The following LATS1 variants were observed in gnomAD, a reference collection of about 807,000 sequenced individuals.
The protein encoded by LATS1 is serine/threonine-protein kinase LATS1.
In LATS1, 25 loss-of-function variants were observed where a neutral mutation model predicts 106.6. That is an observed-to-expected ratio of 0.23 (90% CI 0.17 to 0.33). LATS1 has a LOEUF of 0.33. Among genes scored for constraint, LATS1 ranks in the 10% least tolerant of loss-of-function variants. LATS1 has a pLI of 1.00. For synonymous variants in LATS1, 465 were observed against 455.6 expected (o/e 1.02, Z -0.26); for missense variants, 1,040 against 1,382.6 (o/e 0.75, Z 3.93).
chr6:149,699,420 T>C (rs1783309392), intron 2 of LATS1, among the ~76,000 whole-genome samples: 1 of 152,068 alleles, frequency 6.6e-6, no homozygotes, highest in African/African-American at 2.4e-5. Context: ...GCCTTGTGTG[T>C]GATCTTTCTG....
chr6:149,670,157 G>C (rs1408575093), intron 7 of LATS1, among the ~76,000 whole-genome samples: 1 of 100,388 alleles, frequency 1.0e-5, no homozygotes, highest in Non-Finnish European at 1.8e-5. Context: ...GGGCAACAGA[G>C]TGAAATTGCA....
At chr6:149,685,583 G>A (rs1344145807) in intron 3 of LATS1, among the ~76,000 whole-genome samples, 5 of 151,932 alleles carry the variant, frequency 3.3e-5, no homozygotes, top group Non-Finnish European at 5.9e-5. Context: ...ACGGGGTTTC[G>A]CCATGTTAGC....
At chr6:149,700,640 A>T (rs763198766) in intron 2 of LATS1, among the ~76,000 whole-genome samples, 1 of 152,172 alleles carries the variant, frequency 6.6e-6, no homozygotes, top group Non-Finnish European at 1.5e-5. Flanking sequence ...AAAAACAAAC[A>T]GTGAAGGAAT....
intron 3 of LATS1, among the ~76,000 whole-genome samples, chr6:149,687,167 C>T (rs192053704): frequency 4.4e-4 from 66 of 150,740 alleles, no homozygotes; most frequent in African/African-American, 1.6e-3. Context: ...CTCGGCTCAG[C>T]GAAACCTCTG....
At chr6:149,693,117 G>C (rs1782865375) in intron 3 of LATS1, among the ~76,000 whole-genome samples, 1 of 151,604 alleles carries the variant, frequency 6.6e-6, no homozygotes, top group South Asian at 2.1e-4. Flanking sequence ...ACAAAAATTA[G>C]CCAAGCATGG....
intron 7 of LATS1, among the ~76,000 whole-genome samples, chr6:149,664,785 C>G (rs1409244921): frequency 1.3e-5 from 2 of 152,130 alleles, no homozygotes; most frequent in Non-Finnish European, 2.9e-5. Context: ...GAACTCCTAG[C>G]CTCAAGCAAT....
rs756428295 is a variant in LATS1, at chr6:149,676,743, C to A, written c.2594-6G>T. On this transcript the variant is annotated splice_polypyrimidine_tract_variant and splice_region_variant and intron_variant, in intron 5 of 7. Coordinates refer to ENST00000543571, the MANE Select transcript of LATS1 (RefSeq NM_004690.4). The stretch of plus-strand genomic sequence containing the variant: ...ATCTTGCCGTGGATGGTCACCTGCA[C>A]AACAAAAGAATAAGTAAATAAAGTC... 2 of 1,605,136 alleles carry A rather than the reference C, an allele frequency of 1.2e-6. No individual in the cohort carries two copies. Among genetic ancestry groups the A allele is most frequent in the South Asian group, 2.2e-5 (2 of 90,490 alleles).
At chr6:149,713,854 T>G (rs527825614) in intron 1 of LATS1, among the ~76,000 whole-genome samples, 2 of 152,258 alleles carry the variant, frequency 1.3e-5, no homozygotes, top group East Asian at 3.9e-4. Flanking sequence ...GAGATGGGGT[T>G]TCACCATGTT....
At chr6:149,678,164 C>CAAA (rs56884854) in intron 5 of LATS1, among the ~76,000 whole-genome samples, 1,916 of 43,514 alleles carry the variant, frequency 0.044, 631 homozygotes, top group East Asian at 0.12. Flanking sequence ...ACTAAAAATC[C>CAAA]AAAAAAAAAA....
chr6:149,674,757 T>A (rs1275026776), intron 7 of LATS1, among the ~76,000 whole-genome samples: 1 of 150,760 alleles, frequency 6.6e-6, no homozygotes, highest in Non-Finnish European at 1.5e-5. Context: ...AAACCCTGTA[T>A]CTACAAAAAA....
rs1421846076 is a variant in LATS1 at position 149,659,543 on chromosome 6, G to C, written c.*2186C>G. On this transcript the variant is annotated 3_prime_UTR_variant, in exon 8 of 8. Coordinates refer to ENST00000543571, the MANE Select transcript of LATS1 (RefSeq NM_004690.4). Reference sequence around the variant, plus strand: ...GGGGAATACAGATTTTGTGGGAAGGGAAGGGGGAGGAGACAGCACCTTAGT... The same window carrying C: ...GGGGAATACAGATTTTGTGGGAAGGCAAGGGGGAGGAGACAGCACCTTAGT... 1 of 230,570 alleles carries C rather than the reference G, an allele frequency of 4.3e-6. No homozygotes were observed. The highest frequency in any genetic ancestry group is 2.2e-5 in the African/African-American group (1 of 45,138). 14.3% of individuals were successfully genotyped at this position (230,570 alleles called of 1,614,324 possible).
intron 2 of LATS1, among the ~76,000 whole-genome samples, chr6:149,698,677 C>T (rs1332095883): frequency 6.6e-6 from 1 of 151,936 alleles, no homozygotes; most frequent in Non-Finnish European, 1.5e-5. Flanking sequence ...CCTCAGCCAC[C>T]CAAGTAGCTG....
At position 149,677,371 on chromosome 6, in the gene LATS1, C is replaced by A. The variant is rs545124067; in HGVS notation, c.2594-634G>T. Among the ~76,000 whole-genome samples the A allele has an allele frequency of 3.5e-3, 533 of 152,282 alleles. 2 individuals carry two copies. The highest frequency in any genetic ancestry group is 5.9e-3 in the Non-Finnish European group (400 of 68,032). On this transcript the variant is annotated intron_variant, in intron 5 of 7. Transcript: ENST00000543571. ...ATAACAGCAACAGAGAGAAGACCAG[C>A]ACAGCTGATAAAGGGGAGAACTGTA... is the stretch of plus-strand genomic sequence containing the variant.
Position 149,661,994 on chromosome 6 carries a change from T to C in LATS1, c.3128A>G (p.Asp1043Gly). Residue 1043 changes from aspartate (D) to glycine (G), a missense_variant, in exon 8 of 8, where the codon GAT becomes GGT. This residue lies in a region of LATS1 where 113 missense variants were observed against 146.3 expected (regional missense o/e 0.77). Coordinates refer to ENST00000543571, the MANE Select transcript of LATS1 (RefSeq NM_004690.4). ...ATCATCACTCCATAATTTATCAGGATCAACAGGATCAAAATTTGATGTATC... is the reference window on the plus strand; with the variant it reads ...ATCATCACTCCATAATTTATCAGGACCAACAGGATCAAAATTTGATGTATC... The part of the protein sequence containing the change: ...PTDTSNFDPV[D>G]PDKLWSDDNE... The C allele has an allele frequency of 6.2e-7, 1 of 1,614,168 alleles. No individual in the cohort carries two copies. Among genetic ancestry groups the C allele is most frequent in the Admixed American group, 1.7e-5 (1 of 60,018 alleles).
At chr6:149,690,802 G>C (rs895781657) in intron 3 of LATS1, among the ~76,000 whole-genome samples, 7 of 152,128 alleles carry the variant, frequency 4.6e-5, no homozygotes, top group Non-Finnish European at 4.4e-5. Flanking sequence ...GTCTCCCAAA[G>C]TGCTGTGATC....
At chr6:149,707,481 T>A (rs1783851749) in intron 1 of LATS1, among the ~76,000 whole-genome samples, 1 of 152,158 alleles carries the variant, frequency 6.6e-6, no homozygotes, top group African/African-American at 2.4e-5. Context: ...TTATCTTATC[T>A]TACCTTTTCC....
chr6:149,668,785 C>T (rs1201557031), intron 7 of LATS1, among the ~76,000 whole-genome samples: 1 of 151,836 alleles, frequency 6.6e-6, no homozygotes, highest in Non-Finnish European at 1.5e-5. Context: ...TGGTTGAAAG[C>T]AAAATTGTTA....
intron 2 of LATS1, chr6:149,697,165 A>C (rs1288452685): frequency 7.5e-7 from 1 of 1,341,140 alleles, no homozygotes; most frequent in Non-Finnish European, 9.9e-7. Context: ...ATGGGTGAAC[A>C]GGCTACTGAC....
intron 3 of LATS1, among the ~76,000 whole-genome samples, chr6:149,686,023 G>T (rs1782358699): frequency 6.6e-6 from 1 of 151,950 alleles, no homozygotes; most frequent in South Asian, 2.1e-4. Context: ...GTCTTCCCAG[G>T]CATGACAAAA....
Sources: gnomAD v4.1 joint callset for allele counts (sites outside exome capture counted in the v4.1 genomes callset) on GRCh38, gnomAD v4.1.1 for gene constraint, gnomAD v4.1.1 regional missense constraint, MANE v1.5 for transcripts, NCBI Gene and HGNC (gene_info 2026-07-23, HGNC 2026-07-21) for gene names.